Variants in MARCHF1 observed in about 807,000 individuals in gnomAD.
MARCHF1 encodes membrane associated ring-CH-type finger 1.
MARCHF1 carries 40 observed loss-of-function variants against 54.2 expected under a neutral mutation model. The ratio of observed to expected loss-of-function variants is 0.74; its 90% CI spans 0.57 to 0.96. The LOEUF is 0.96. MARCHF1 is among the 40% of genes least tolerant of loss of function. The pLI is 0.00. For missense variants in MARCHF1, 586 were observed against 656.5 expected, an observed-to-expected ratio of 0.89 and a Z score of 1.17; for synonymous variants, 236 against 236.3, an observed-to-expected ratio of 1.00 and a Z score of 0.01.
chr4:164,308,067 C>T (rs557072441), intron 1 of MARCHF1, among the ~76,000 whole-genome samples: 2 of 152,234 alleles, frequency 1.3e-5, no homozygotes, highest in South Asian at 4.1e-4. Context: ...GAATATAGAC[C>T]AGTGTATGGG....
chr4:163,603,876 C>A (rs1741058410), intron 7 of MARCHF1, among the ~76,000 whole-genome samples: 1 of 151,990 alleles, frequency 6.6e-6, no homozygotes, highest in Non-Finnish European at 1.5e-5. Flanking sequence ...CTCAATTTTC[C>A]AAATCTTCAA....
intron 1 of MARCHF1, among the ~76,000 whole-genome samples, chr4:164,315,674 G>A (rs1734978243): frequency 6.6e-6 from 1 of 152,196 alleles, no homozygotes; most frequent in African/African-American, 2.4e-5. Context: ...GAAGGCTTCA[G>A]TCACCTCAAG....
At chr4:163,925,332 T>G (rs1486399372) in intron 3 of MARCHF1, among the ~76,000 whole-genome samples, 1 of 151,788 alleles carries the variant, frequency 6.6e-6, no homozygotes, top group African/African-American at 2.4e-5. Context: ...TTACCTCACT[T>G]TATAAAATGG....
rs371956106 is a variant in MARCHF1 at position 163,743,440 on chromosome 4, C to T, written c.112-42577G>A. Among the ~76,000 whole-genome samples the T allele has an allele frequency of 5.3e-5, 8 of 152,232 alleles. No individual in the cohort carries two copies. The South Asian group carries it at 1.7e-3, about 32-fold the overall frequency. ...AAGATGCTCTATGAGAGAAATGTAACGTTGAGCGTTTTACCACCGTACCTG... is the reference window on the plus strand; with the variant it reads ...AAGATGCTCTATGAGAGAAATGTAATGTTGAGCGTTTTACCACCGTACCTG... On this transcript the variant is annotated intron_variant, in intron 4 of 9. Coordinates refer to ENST00000514618, the MANE Select transcript of MARCHF1 (RefSeq NM_001394959.1).
intron 1 of MARCHF1, among the ~76,000 whole-genome samples, chr4:164,350,117 T>A (rs1730236383): frequency 6.6e-6 from 1 of 152,196 alleles, no homozygotes; most frequent in South Asian, 2.1e-4. Context: ...AATATATACA[T>A]ATTTTAATAA....
At chr4:164,359,200 T>A (rs1421055442) in intron 1 of MARCHF1, among the ~76,000 whole-genome samples, 2 of 152,182 alleles carry the variant, frequency 1.3e-5, no homozygotes, top group Admixed American at 6.5e-5. Context: ...AGCACTCTAT[T>A]AACTCCAGTG....
chr4:163,699,826 G>C (rs1054443166), intron 5 of MARCHF1, among the ~76,000 whole-genome samples: 2 of 151,886 alleles, frequency 1.3e-5, no homozygotes, highest in African/African-American at 2.4e-5. Flanking sequence ...TATATCACAT[G>C]GCGACTCATT....
At chr4:164,140,607 T>C (rs1279896271) in intron 1 of MARCHF1, among the ~76,000 whole-genome samples, 3 of 152,194 alleles carry the variant, frequency 2.0e-5, no homozygotes, top group Non-Finnish European at 4.4e-5. Flanking sequence ...GTCAGAGAGA[T>C]GGATTTCAGA....
At chr4:163,541,173 A>G (rs967093948) in intron 9 of MARCHF1, among the ~76,000 whole-genome samples, 1 of 152,200 alleles carries the variant, frequency 6.6e-6, no homozygotes, top group East Asian at 1.9e-4. Flanking sequence ...TTGAGCCTCT[A>G]CTAACACCAA....
chr4:163,869,152 A>G (rs1387732454), intron 3 of MARCHF1, among the ~76,000 whole-genome samples: 1 of 152,020 alleles, frequency 6.6e-6, no homozygotes, highest in Non-Finnish European at 1.5e-5. Flanking sequence ...AGAAAAAGCC[A>G]GGAATGCATG....
intron 2 of MARCHF1, among the ~76,000 whole-genome samples, chr4:164,042,797 G>T (rs564919965): frequency 2.0e-5 from 3 of 152,266 alleles, no homozygotes; most frequent in South Asian, 4.1e-4. Flanking sequence ...TTACTTCCAA[G>T]ATACAATGGG....
intron 3 of MARCHF1, among the ~76,000 whole-genome samples, chr4:163,881,909 G>T (rs994898689): frequency 1.3e-5 from 2 of 152,138 alleles, no homozygotes; most frequent in Admixed American, 1.3e-4. Context: ...CCTTCAAGAA[G>T]AAAGTGCCAC....
chr4:163,635,999 G>T (rs1579139562), intron 5 of MARCHF1, among the ~76,000 whole-genome samples: 1 of 152,272 alleles, frequency 6.6e-6, no homozygotes, highest in South Asian at 2.1e-4. Flanking sequence ...AAAACCACAT[G>T]ATTATCTCAA....
At chr4:163,621,626 ATT>A (rs1360925909) in intron 5 of MARCHF1, among the ~76,000 whole-genome samples, 1 of 152,112 alleles carries the variant, frequency 6.6e-6, no homozygotes, top group Non-Finnish European at 1.5e-5. Flanking sequence ...TCTGGGCATA[ATT>A]TTACTACAAT....
chr4:164,066,828 T>G (rs913064933), intron 2 of MARCHF1, among the ~76,000 whole-genome samples: 1 of 152,104 alleles, frequency 6.6e-6, no homozygotes, highest in African/African-American at 2.4e-5. Context: ...TGAGAACACA[T>G]GGACACACAG....
intron 3 of MARCHF1, among the ~76,000 whole-genome samples, chr4:163,904,916 T>G (rs1751031309): frequency 6.6e-6 from 1 of 152,166 alleles, no homozygotes; most frequent in Admixed American, 6.5e-5. Flanking sequence ...TAACTTGTAT[T>G]TCACTTTGCT....
At chr4:163,665,350 C>A (rs1447874674) in intron 5 of MARCHF1, among the ~76,000 whole-genome samples, 1 of 152,064 alleles carries the variant, frequency 6.6e-6, no homozygotes, top group African/African-American at 2.4e-5. Context: ...TGGGATCTTG[C>A]TTTGGGTGAG....
intron 2 of MARCHF1, among the ~76,000 whole-genome samples, chr4:164,069,614 G>A (rs1403663827): frequency 1.3e-5 from 2 of 152,070 alleles, no homozygotes; most frequent in Admixed American, 6.5e-5. Context: ...CCAGAAGGAA[G>A]AAACTCCGAA....
chr4:163,880,796 AT>A (rs906921763), intron 3 of MARCHF1, among the ~76,000 whole-genome samples: 1 of 152,170 alleles, frequency 6.6e-6, no homozygotes, highest in Non-Finnish European at 1.5e-5. Context: ...TTGCATAGTG[AT>A]TTTTTTCAAT....
Sources: allele counts gnomAD v4.1 joint callset (sites outside exome capture counted in the v4.1 genomes callset), GRCh38; gene constraint gnomAD v4.1.1; transcripts MANE v1.5; gene names NCBI Gene and HGNC (gene_info 2026-07-23, HGNC 2026-07-21).